The following CHN2 variants were observed in gnomAD, a reference collection of about 807,000 sequenced individuals.
CHN2 encodes the protein chimerin 2, also known as beta-chimaerin.
A neutral mutation model predicts 56.3 loss-of-function variants in CHN2; 35 were observed. The ratio of observed to expected loss-of-function variants is 0.62; its 90% CI spans 0.47 to 0.82. The LOEUF is 0.82. CHN2 is among the 40% of genes least tolerant of loss of function. The pLI is 0.00. For missense variants in CHN2, 491 were observed against 580.5 expected, an observed-to-expected ratio of 0.85 and a Z score of 1.58; for synonymous variants, 210 against 212.8, an observed-to-expected ratio of 0.99 and a Z score of 0.12.
intron 9 of CHN2, among the ~76,000 whole-genome samples, chr7:29,504,319 A>T (rs1214443437): frequency 6.6e-6 from 1 of 152,180 alleles, no homozygotes; most frequent in Non-Finnish European, 1.5e-5. Context: ...AATATCTCAT[A>T]TACCCCATAA....
At chr7:29,293,419 G>A (rs1303436484) in intron 1 of CHN2, among the ~76,000 whole-genome samples, 1 of 131,694 alleles carries the variant, frequency 7.6e-6, no homozygotes, top group African/African-American at 2.9e-5. Flanking sequence ...GCCTTATTTG[G>A]CTTTTCAGCC....
rs1783427287 is a variant in CHN2, at chr7:29,194,823, C to A, written c.-119C>A. On this transcript the variant is annotated 5_prime_UTR_variant, in exon 1 of 13. Transcript: ENST00000222792. ...AGTCCGGAGGCTGGTGCTTTCTGCG[C>A]GTCCCCAGGACTTTGCCATGGGCTG... 6.9e-6 allele frequency: 6 copies of A among 875,726 alleles called. No homozygotes were observed. The highest frequency in any genetic ancestry group is 9.4e-6 in the Non-Finnish European group (6 of 641,046). The allele number at this position is 875,726 out of a possible 1,614,324, so 54.2% of individuals were successfully genotyped here.
intron 1 of CHN2, among the ~76,000 whole-genome samples, chr7:29,303,674 T>C (rs1030085520): frequency 1.3e-5 from 2 of 152,202 alleles, no homozygotes; most frequent in African/African-American, 4.8e-5. Flanking sequence ...TTAACACCTA[T>C]CCTTCCAAAT....
At chr7:29,185,381 G>A (rs1798585791) in intron 2 of CHN2, 1 of 152,138 alleles carries the variant, frequency 6.6e-6, no homozygotes, top group South Asian at 2.1e-4. Flanking sequence ...TCATGCTAAT[G>A]TTAGATTTTA....
chr7:29,212,375 G>A, intron 1 of CHN2: 4 of 1,594,506 alleles, frequency 2.5e-6, no homozygotes, highest in Non-Finnish European at 3.4e-6. Flanking sequence ...CTTAACCTAT[G>A]GCTGTGATTT....
chr7:29,366,880 A>G (rs536605044), intron 2 of CHN2, among the ~76,000 whole-genome samples: 1 of 152,366 alleles, frequency 6.6e-6, no homozygotes, highest in East Asian at 1.9e-4. Context: ...CATCATTTTT[A>G]TCTGTGTTTC....
intron 1 of CHN2, among the ~76,000 whole-genome samples, chr7:29,287,270 C>T (rs1445853955): frequency 1.3e-5 from 2 of 152,226 alleles, no homozygotes; most frequent in East Asian, 3.9e-4. Context: ...GCCACCTTGC[C>T]CCCAGGAAGT....
intron 1 of CHN2, among the ~76,000 whole-genome samples, chr7:29,352,031 G>C (rs1255193741): frequency 6.6e-6 from 1 of 152,140 alleles, no homozygotes; most frequent in Non-Finnish European, 1.5e-5. Flanking sequence ...CAAAACTCTA[G>C]GGTTTCCACA....
chr7:29,301,277 T>C (rs1793631583), intron 1 of CHN2, among the ~76,000 whole-genome samples: 1 of 152,032 alleles, frequency 6.6e-6, no homozygotes, highest in Non-Finnish European at 1.5e-5. Flanking sequence ...TACTTTCTTC[T>C]ATAGAATGCT....
chr7:29,146,640 A>G (rs245880), exon 1 of CHN2: 668,874 of 1,550,274 alleles, frequency 0.43, 149,239 homozygotes, highest in East Asian at 0.69. Flanking sequence ...TCCTGGTCCC[A>G]GAAACCTGGC....
At chr7:29,166,126 G>T (rs934717267) in intron 2 of CHN2, among the ~76,000 whole-genome samples, 2 of 152,002 alleles carry the variant, frequency 1.3e-5, no homozygotes, top group African/African-American at 4.8e-5. Context: ...GATTTCCTGG[G>T]CTCAAGTGAC....
At chr7:29,421,800 C>T (rs553438475) in intron 6 of CHN2, among the ~76,000 whole-genome samples, 2 of 152,292 alleles carry the variant, frequency 1.3e-5, no homozygotes, top group South Asian at 4.1e-4. Context: ...TGAGAGCACC[C>T]CCATCCTTGC....
intron 3 of CHN2, among the ~76,000 whole-genome samples, chr7:29,389,618 A>G (rs1801200877): frequency 6.6e-6 from 1 of 152,200 alleles, no homozygotes; most frequent in African/African-American, 2.4e-5. Context: ...AGGGTGGTAT[A>G]TATTAAGGTA....
chr7:29,510,988 T>G (rs1479360527), intron 12 of CHN2, among the ~76,000 whole-genome samples: 1 of 152,158 alleles, frequency 6.6e-6, no homozygotes, highest in Non-Finnish European at 1.5e-5. Context: ...ATGAGGTCGA[T>G]GAATTGGTGT....
rs113034467 is a variant in CHN2 at position 29,472,272 on chromosome 7, TACACACACAC to T, written c.577-7990_577-7981del. ...CCCATAGAAGCTTTTCAAAACAAAA[TACACACACAC>T]ACACACACACACACACGCACACACA... On this transcript the variant is annotated intron_variant, in intron 6 of 12. Transcript: ENST00000222792. Among the ~76,000 whole-genome samples the T allele has an allele frequency of 7.1e-5, 8 of 112,316 alleles. 1 individual carries two copies. In the South Asian group the frequency reaches 1.3e-3, roughly 19 times the overall value. The allele number at this position is 112,316 out of a possible 152,430, so 73.7% of individuals were successfully genotyped here. A position where few individuals can be genotyped will look rare whatever the true frequency, so the allele number is the denominator to read the frequency against.
intron 1 of CHN2, among the ~76,000 whole-genome samples, chr7:29,340,149 A>T (rs1796930503): frequency 6.6e-6 from 1 of 152,214 alleles, no homozygotes; most frequent in African/African-American, 2.4e-5. Flanking sequence ...ATGCAGAAAA[A>T]TTGAAGTTGT....
chr7:29,146,925 C>T (rs775754307), exon 2 of CHN2: 1 of 1,551,206 alleles, frequency 6.4e-7, no homozygotes, highest in Non-Finnish European at 8.7e-7. Context: ...AGGCAACACA[C>T]GTTCGCTGAT....
At chr7:29,345,155 G>A (rs548491256) in intron 1 of CHN2, among the ~76,000 whole-genome samples, 4 of 152,216 alleles carry the variant, frequency 2.6e-5, no homozygotes, top group South Asian at 2.1e-4. Flanking sequence ...CTACACACAG[G>A]TGCTGTCTAA....
chr7:29,417,084 C>A (rs901633115), intron 6 of CHN2, among the ~76,000 whole-genome samples: 1 of 152,198 alleles, frequency 6.6e-6, no homozygotes, highest in African/African-American at 2.4e-5. Flanking sequence ...CCAGCTACCT[C>A]TGCAGCGCGT....
Sources: gnomAD v4.1 joint callset for allele counts (sites outside exome capture counted in the v4.1 genomes callset) on GRCh38, gnomAD v4.1.1 for gene constraint, MANE v1.5 for transcripts, NCBI Gene and HGNC (gene_info 2026-07-23, HGNC 2026-07-21) for gene names.